CREB1: variants seen among roughly 807,000 people sequenced by gnomAD.
CREB1 encodes the protein cAMP responsive element binding protein 1.
CREB1 carries 2 observed loss-of-function variants against 42.0 expected under a neutral mutation model. That is an observed-to-expected ratio of 0.05 (90% CI 0.02 to 0.15). The LOEUF (loss-of-function observed/expected upper bound fraction) is 0.15, where lower values mean the gene tolerates loss of function less well. Among genes scored for constraint, CREB1 ranks in the 10% least tolerant of loss-of-function variants. The probability of loss-of-function intolerance (pLI) is 1.00; values close to 1 mark genes in which losing one functional copy is unlikely to be tolerated. For missense variants in CREB1, 199 were observed against 388.9 expected (o/e 0.51, Z 4.11); for synonymous variants, 123 against 139.9 (o/e 0.88, Z 0.85).
In CREB1 at chr2:207,538,535, T is replaced by G. The variant is rs551726214; in HGVS notation, c.-9+8401T>G. On this transcript the variant is annotated intron_variant, in intron 1 of 7. Coordinates refer to ENST00000353267, the MANE Select transcript of CREB1 (RefSeq NM_004379.5). ...AAAGATGAAAAACACCCTTTCAGTT[T>G]TCTTCCTCTTGGATGATTCTAGGAT... Among the ~76,000 whole-genome samples, 9 of 151,990 alleles carry G rather than the reference T, an allele frequency of 5.9e-5. No homozygotes were observed. In the East Asian group the frequency reaches 1.7e-3, roughly 29 times the overall value.
intron 1 of CREB1, among the ~76,000 whole-genome samples, chr2:207,551,973 C>T (rs533552238): frequency 3.1e-5 from 4 of 130,142 alleles, no homozygotes; most frequent in South Asian, 2.6e-4. Flanking sequence ...ACCTGGGAGG[C>T]GGAGGTTGCA....
chr2:207,594,454 C>T (rs563406398), intron 7 of CREB1, among the ~76,000 whole-genome samples: 1 of 152,234 alleles, frequency 6.6e-6, no homozygotes, highest in African/African-American at 2.4e-5. Flanking sequence ...CTTTAGATGC[C>T]TCATAAGAGA....
rs72956021 is a variant in CREB1 at position 207,532,277 on chromosome 2, C to T, written c.-9+2143C>T. 9.7e-3 allele frequency among the ~76,000 whole-genome samples: 1,457 copies of T among 150,262 alleles called. 7 individuals are homozygous for T. The highest frequency in any genetic ancestry group is 0.017 in the Middle Eastern group (5 of 292). On this transcript the variant is annotated intron_variant, in intron 1 of 7. Transcript: ENST00000353267. ...GGCTGGGGTTGCAGTGAATTGAGATCGTGCCATGCACTTCAGCCTGGGCGA... is the reference window on the plus strand; with the variant it reads ...GGCTGGGGTTGCAGTGAATTGAGATTGTGCCATGCACTTCAGCCTGGGCGA...
At chr2:207,592,268 G>A (rs930107932) in intron 7 of CREB1, among the ~76,000 whole-genome samples, 3 of 151,978 alleles carry the variant, frequency 2.0e-5, no homozygotes, top group East Asian at 2.0e-4. Flanking sequence ...TGAGCTGGGC[G>A]TGGTGGCACA....
chr2:207,582,788 G>T, intron 7 of CREB1: 1 of 264,452 alleles, frequency 3.8e-6, no homozygotes, highest in Non-Finnish European at 7.7e-6. Context: ...AGCTACTCAG[G>T]CGGCTGAGGC....
At position 207,582,050 on chromosome 2, in the gene CREB1, A is replaced by T. The variant is rs148587766; in HGVS notation, c.839+4395A>T. On this transcript the variant is annotated intron_variant, in intron 7 of 7. Transcript: ENST00000353267. ...CGGGAGCACATACATAATTGGCGAT[A>T]TTAACTTTGATCACTTGGTTAAAGT... The T allele has an allele frequency of 4.4e-4, 311 of 700,590 alleles. 1 individual carries two copies. The African/African-American group carries it at 4.7e-3, about 11-fold the overall frequency. 43.4% of individuals were successfully genotyped at this position (700,590 alleles called of 1,614,324 possible).
At chr2:207,535,321 C>T (rs1035918530) in intron 1 of CREB1, among the ~76,000 whole-genome samples, 1 of 152,154 alleles carries the variant, frequency 6.6e-6, no homozygotes, top group Non-Finnish European at 1.5e-5. Context: ...GAGGTTCTTA[C>T]AGTTCTGAAC....
Position 207,604,505 on chromosome 2 carries a change from G to A in CREB1, c.*7447G>A, listed in dbSNP as rs2087728134. Among the ~76,000 whole-genome samples the A allele has an allele frequency of 6.6e-6, 1 of 152,022 alleles. No homozygotes were observed. Among genetic ancestry groups the A allele is most frequent in the Admixed American group, 6.6e-5 (1 of 15,250 alleles). Reference sequence around the variant, plus strand: ...TTTCTCCACATCTTTCTTAAGTGCAGTGACCAAACCGGATGAGAATTCTAA... The same window carrying A: ...TTTCTCCACATCTTTCTTAAGTGCAATGACCAAACCGGATGAGAATTCTAA... On this transcript the variant is annotated 3_prime_UTR_variant, in exon 8 of 8. Coordinates refer to ENST00000353267, the MANE Select transcript of CREB1 (RefSeq NM_004379.5).
rs771686995 is a variant in CREB1 at position 207,602,983 on chromosome 2, T to A, written c.*5925T>A. ...TCAGGGAAGTTCCTAGAAAGGTGTT[T>A]GGCTTTTTGGTTTTTGAGGGTTGGG... is the stretch of plus-strand genomic sequence containing the variant. On this transcript the variant is annotated 3_prime_UTR_variant, in exon 8 of 8. Transcript: ENST00000353267. 2.8e-4 allele frequency: 59 copies of A among 214,362 alleles called. No homozygotes were observed. Among genetic ancestry groups the A allele is most frequent in the Non-Finnish European group, 4.5e-4 (48 of 106,160 alleles). The allele number at this position is 214,362 out of a possible 1,614,324, so 13.3% of individuals were successfully genotyped here.
At chr2:207,533,188 A>C (rs530255015) in intron 1 of CREB1, among the ~76,000 whole-genome samples, 1 of 151,460 alleles carries the variant, frequency 6.6e-6, no homozygotes, top group Non-Finnish European at 1.5e-5. Context: ...GGAATTTAAA[A>C]CTTAAGTGTT....
rs1381559571 is a variant in CREB1 at position 207,598,086 on chromosome 2, A to C, written c.*1028A>C. ...GCAAAGTGATATATATTTGTTTATG[A>C]AATGTTACATGTAGAAAAATACTGA... On this transcript the variant is annotated 3_prime_UTR_variant, in exon 8 of 8. Transcript: ENST00000353267. The C allele has an allele frequency of 1.7e-5, 3 of 180,874 alleles. No homozygotes were observed. In the East Asian group the frequency reaches 2.7e-4, roughly 16 times the overall value. The allele number at this position is 180,874 out of a possible 1,614,324, so 11.2% of individuals were successfully genotyped here.
At chr2:207,585,402 C>G (rs1367741630) in intron 7 of CREB1, among the ~76,000 whole-genome samples, 4 of 152,164 alleles carry the variant, frequency 2.6e-5, no homozygotes, top group Non-Finnish European at 5.9e-5. Flanking sequence ...GAGCACCCTA[C>G]CCAGCTAACA....
intron 7 of CREB1, among the ~76,000 whole-genome samples, chr2:207,593,106 ATTCT>A (rs2085400036): frequency 6.6e-6 from 1 of 152,196 alleles, no homozygotes; most frequent in African/African-American, 2.4e-5. Flanking sequence ...CATCAAACAT[ATTCT>A]TTATCTCCAT....
intron 1 of CREB1, among the ~76,000 whole-genome samples, chr2:207,553,926 AAAT>A (rs1203641636): frequency 6.6e-6 from 1 of 151,822 alleles, no homozygotes; most frequent in African/African-American, 2.4e-5. Context: ...TTTTTTAAAA[AAAT>A]AAATGGGGCT....
At chr2:207,534,364 G>C (rs1025005998) in intron 1 of CREB1, among the ~76,000 whole-genome samples, 2 of 152,140 alleles carry the variant, frequency 1.3e-5, no homozygotes, top group African/African-American at 4.8e-5. Context: ...AGCCTCCCTA[G>C]TAGCTGGAAC....
chr2:207,593,719 CTTT>C (rs5838079), intron 7 of CREB1, among the ~76,000 whole-genome samples: 9 of 102,640 alleles, frequency 8.8e-5, no homozygotes, highest in East Asian at 3.1e-4. Context: ...TCCTCACAAA[CTTT>C]TTTTTTTTTT....
intron 5 of CREB1, among the ~76,000 whole-genome samples, chr2:207,573,066 A>G (rs937382999): frequency 7.9e-5 from 12 of 152,228 alleles, no homozygotes; most frequent in Non-Finnish European, 1.3e-4. Context: ...AAATAAAACT[A>G]TGACTCATGA....
chr2:207,547,540 G>C (rs1480721371), intron 1 of CREB1, among the ~76,000 whole-genome samples: 1 of 152,172 alleles, frequency 6.6e-6, no homozygotes, highest in Non-Finnish European at 1.5e-5. Context: ...AACACTTCAT[G>C]TATAGAGGTT....
chr2:207,590,864 C>T (rs2084907461), intron 7 of CREB1, among the ~76,000 whole-genome samples: 1 of 152,112 alleles, frequency 6.6e-6, no homozygotes. Context: ...GTATTTAAGG[C>T]TGTAAATTTC....
Sources: allele counts gnomAD v4.1 joint callset (sites outside exome capture counted in the v4.1 genomes callset), GRCh38; gene constraint gnomAD v4.1.1; transcripts MANE v1.5; gene names NCBI Gene and HGNC (gene_info 2026-07-23, HGNC 2026-07-21).